The following ADAM28 variants were observed in gnomAD, a reference collection of about 807,000 sequenced individuals.
ADAM28 encodes the protein ADAM metallopeptidase domain 28.
A neutral mutation model predicts 101.2 loss-of-function variants in ADAM28; 105 were observed. The observed-to-expected ratio is 1.04, with a 90% CI of 0.89 to 1.22. The LOEUF is 1.22. ADAM28 is among the 50% of genes most tolerant of loss of function. The pLI is 0.00. For synonymous variants in ADAM28, 322 were observed against 310.6 expected, an observed-to-expected ratio of 1.04 and a Z score of -0.39; for missense variants, 1,028 against 945.4, an observed-to-expected ratio of 1.09 and a Z score of -1.15.
At chr8:24,312,822 C>A (rs1306697726) in intron 5 of ADAM28, among the ~76,000 whole-genome samples, 1 of 152,034 alleles carries the variant, frequency 6.6e-6, no homozygotes, top group Non-Finnish European at 1.5e-5. Context: ...TGGTTCAAGG[C>A]TTTAGCAGAG....
At chr8:24,353,924 A>T (rs1283893753) in intron 22 of ADAM28, 92 bp downstream of exon 22, 1 of 864,950 alleles carries the variant, frequency 1.2e-6, no homozygotes, top group Non-Finnish European at 1.8e-6. Flanking sequence ...AAAAAAACTT[A>T]CTAAGAACAG....
chr8:24,320,170 T>C (rs915036298), intron 6 of ADAM28, 66 bp from the exon 7 acceptor site: 4 of 1,191,992 alleles, frequency 3.4e-6, no homozygotes, highest in African/African-American at 1.5e-5. Context: ...ATTACAGATG[T>C]CAAATAATAG....
At chr8:24,346,254 T>C (rs1053961802) in intron 18 of ADAM28, among the ~76,000 whole-genome samples, 36 of 152,220 alleles carry the variant, frequency 2.4e-4, no homozygotes, top group African/African-American at 8.4e-4. Context: ...CAATATTCCA[T>C]GACTTTGTCA....
chr8:24,308,264 C>G (rs985525610), intron 2 of ADAM28, among the ~76,000 whole-genome samples: 9 of 152,192 alleles, frequency 5.9e-5, no homozygotes, highest in African/African-American at 2.2e-4. Context: ...ATCCTCAAAC[C>G]TTGCTCTCCA....
rs74437821 is a variant in ADAM28, at chr8:24,339,424, A to G, written c.1568-42A>G. On this transcript the variant is annotated intron_variant, in intron 14 of 22. Transcript: ENST00000265769. ...ATTTTCAAGTATCTCTTGAATCTCA[A>G]AAATCTATTTTCTTTTCCCTGCTGA... The G allele has an allele frequency of 0.016, 24,073 of 1,487,202 alleles. 309 individuals are homozygous for G. The highest frequency in any genetic ancestry group is 0.05 in the African/African-American group (3,550 of 71,534). The allele number at this position is 1,487,202 out of a possible 1,614,324, so 92.1% of individuals were successfully genotyped here.
At chr8:24,339,364 A>C in intron 14 of ADAM28, 102 bp from the exon 15 acceptor site, 2 of 836,646 alleles carry the variant, frequency 2.4e-6, no homozygotes, top group Non-Finnish European at 3.7e-6. Context: ...ATATTTTATA[A>C]ATCGCTTTCC....
Position 24,353,767 on chromosome 8 carries a change from T to C in ADAM28, c.2245-3T>C, listed in dbSNP as rs774114624. 6.8e-7 allele frequency: 1 copy of C among 1,481,364 alleles called. No homozygotes were observed. Among genetic ancestry groups the C allele is most frequent in the South Asian group, 1.1e-5 (1 of 88,140 alleles). The allele number at this position is 1,481,364 out of a possible 1,614,324, so 91.8% of individuals were successfully genotyped here. A position where few individuals can be genotyped will look rare whatever the true frequency, so the allele number is the denominator to read the frequency against. On this transcript the variant is annotated splice_polypyrimidine_tract_variant and splice_region_variant and intron_variant, in intron 21 of 22. Coordinates refer to ENST00000265769, the MANE Select transcript of ADAM28 (RefSeq NM_014265.6). ...CATACCATTGTTTTTATAATTAACG[T>C]AGCATAAAGACACAAACGCACTTCC...
chr8:24,336,039 G>GGTGT (rs71212527), intron 14 of ADAM28: 206 of 850,726 alleles, frequency 2.4e-4, no homozygotes, highest in South Asian at 1.7e-3. Context: ...TGTGTGTGCG[G>GGTGT]GTGTGTGTGT....
Position 24,331,120 on chromosome 8 carries a change from A to AT in ADAM28, c.1104-28dup, listed in dbSNP as rs762152590. The AT allele has an allele frequency of 4.4e-5, 69 of 1,585,512 alleles. No individual in the cohort carries two copies. The African/African-American group carries it at 9.1e-4, about 21-fold the overall frequency. Reference sequence around the variant, plus strand: ...CTTCGCACATGTTAAGCATGACTATATTCCAGTTTTTCTTTCCTTATCTTC... The same window carrying AT: ...CTTCGCACATGTTAAGCATGACTATATTTCCAGTTTTTCTTTCCTTATCTTC... On this transcript the variant is annotated intron_variant, in intron 11 of 22. Coordinates refer to ENST00000265769, the MANE Select transcript of ADAM28 (RefSeq NM_014265.6).
chr8:24,330,044 C>T lies in ADAM28; in HGVS notation c.1032C>T (p.Asn344=), dbSNP rs574863778. 1.9e-6 allele frequency: 3 copies of T among 1,613,750 alleles called. No homozygotes were observed. Among genetic ancestry groups the T allele is most frequent in the East Asian group, 2.2e-5 (1 of 44,846 alleles). The part of the protein sequence containing the change: ...AGTMAHEMGH[N]FGMFHDDYSC... Reference sequence around the variant, plus strand: ...CAATGGCACATGAAATGGGCCACAACTTTGGAATGTTTCATGACGACTATT... The same window carrying T: ...CAATGGCACATGAAATGGGCCACAATTTTGGAATGTTTCATGACGACTATT... Residue 344 remains asparagine, a synonymous_variant, in exon 11 of 23, where the codon AAC becomes AAT. Transcript: ENST00000265769.
chr8:24,299,054 A>G (rs1466949914), intron 1 of ADAM28, among the ~76,000 whole-genome samples: 1 of 150,462 alleles, frequency 6.6e-6, no homozygotes, highest in East Asian at 1.9e-4. Context: ...AAAGCCAGGC[A>G]TGGTGGTGCA....
chr8:24,322,328 G>T (rs1352036443), intron 8 of ADAM28, among the ~76,000 whole-genome samples: 2 of 151,912 alleles, frequency 1.3e-5, no homozygotes, highest in African/African-American at 4.8e-5. Context: ...ACTAGGTGAG[G>T]CGATAAGCCA....
At position 24,343,506 on chromosome 8, in the gene ADAM28, G is replaced by C. The variant is rs1272913879; in HGVS notation, c.1912G>C (p.Val638Leu). ...AGTAACAGGATCATTGCTCCCCTAG[G>C]TGTGTGACCATGAGCTCCAGTGTCA... ...NCSSKCKGHA[V>L]CDHELQCQCE... is the part of the protein sequence containing the mutation. The change falls in exon 18 of 23, where the codon GTG becomes CTG. Residue 638 changes from valine (V) to leucine (L), a missense_variant and splice_region_variant. Val to Leu is a conservative substitution (Grantham distance 32). Coordinates refer to ENST00000265769, the MANE Select transcript of ADAM28 (RefSeq NM_014265.6). The C allele has an allele frequency of 6.2e-7, 1 of 1,613,666 alleles. No homozygotes were observed. Among genetic ancestry groups the C allele is most frequent in the Non-Finnish European group, 8.5e-7 (1 of 1,179,786 alleles).
intron 2 of ADAM28, among the ~76,000 whole-genome samples, chr8:24,306,355 A>ATATATATATATATATATATATATATATAT (rs1489348958): frequency 2.8e-5 from 3 of 107,780 alleles, no homozygotes; most frequent in African/African-American, 7.8e-5. Context: ...AATACAAATA[A>ATATATATATATATATATATATATATATAT]ATAAATAAAT....
At chr8:24,329,946 C>G in intron 10 of ADAM28, 39 bp from the exon 11 acceptor site, 1 of 1,574,140 alleles carries the variant, frequency 6.4e-7, no homozygotes, top group Non-Finnish European at 8.7e-7. Context: ...TAATTTCATT[C>G]GAAAATCAGA....
chr8:24,324,075 G>A (rs1812232711), intron 9 of ADAM28, 72 bp downstream of exon 9: 2 of 1,475,560 alleles, frequency 1.4e-6, no homozygotes, highest in African/African-American at 1.4e-5. Flanking sequence ...TTGGCAAAGT[G>A]AGGGGTGCAC....
intron 2 of ADAM28, among the ~76,000 whole-genome samples, chr8:24,303,448 T>C (rs1236215320): frequency 6.6e-6 from 1 of 152,198 alleles, no homozygotes; most frequent in African/African-American, 2.4e-5. Context: ...GATCAGAGGA[T>C]TATAGATGTG....
chr8:24,334,583 A>G (rs1813768918), intron 13 of ADAM28, among the ~76,000 whole-genome samples: 1 of 152,158 alleles, frequency 6.6e-6, no homozygotes, highest in African/African-American at 2.4e-5. Context: ...GAGAAGATAC[A>G]AGCATGGTTT....
At chr8:24,309,696 T>C (rs1373356752) in intron 2 of ADAM28, among the ~76,000 whole-genome samples, 198 bp from the exon 3 acceptor site, 2 of 152,076 alleles carry the variant, frequency 1.3e-5, no homozygotes, top group African/African-American at 4.8e-5. Context: ...GTTGGAAGGG[T>C]GGATGGATAA....
Sources: gnomAD v4.1 joint callset for allele counts (sites outside exome capture counted in the v4.1 genomes callset) on GRCh38, gnomAD v4.1.1 for gene constraint, MANE v1.5 for transcripts, NCBI Gene and HGNC (gene_info 2026-07-23, HGNC 2026-07-21) for gene names.